The following ADGRG6 variants were observed in gnomAD, a reference collection of about 807,000 sequenced individuals.
The protein encoded by ADGRG6 is G-protein coupled receptor 126.
In ADGRG6, 84 loss-of-function variants were observed where a neutral mutation model predicts 142.4. The observed-to-expected ratio is 0.59, with a 90% confidence interval of 0.49 to 0.71. ADGRG6 has a LOEUF of 0.71. Among genes scored for constraint, ADGRG6 ranks in the 30% least tolerant of loss-of-function variants. ADGRG6 has a pLI of 0.00. For missense variants in ADGRG6, 1,367 were observed against 1,466.6 expected (o/e 0.93, Z 1.11); for synonymous variants, 521 against 520.5 (o/e 1.00, Z -0.01).
At chr6:142,329,981 C>G (rs2114657376) in intron 2 of ADGRG6, among the ~76,000 whole-genome samples, 1 of 152,080 alleles carries the variant, frequency 6.6e-6, no homozygotes, top group Non-Finnish European at 1.5e-5. Context: ...TTGTGTGCTT[C>G]TTTATTTTAG....
intron 22 of ADGRG6, among the ~76,000 whole-genome samples, chr6:142,429,574 C>T (rs1473538420): frequency 6.6e-6 from 1 of 152,172 alleles, no homozygotes; most frequent in Non-Finnish European, 1.5e-5. Context: ...AGCCCCATAG[C>T]CAGCTGACTG....
intron 2 of ADGRG6, among the ~76,000 whole-genome samples, chr6:142,361,069 G>T (rs1269798615): frequency 1.3e-5 from 2 of 152,160 alleles, no homozygotes; most frequent in Non-Finnish European, 2.9e-5. Flanking sequence ...GGTTGTGTGT[G>T]TCTCTAACTT....
intron 2 of ADGRG6, among the ~76,000 whole-genome samples, chr6:142,349,526 C>A (rs2114765296): frequency 6.6e-6 from 1 of 152,296 alleles, no homozygotes; most frequent in South Asian, 2.1e-4. Flanking sequence ...TTCAGTCCTC[C>A]CGTAGTCTGA....
chr6:142,332,709 T>G (rs549366820), intron 2 of ADGRG6, among the ~76,000 whole-genome samples: 156 of 152,310 alleles, frequency 1.0e-3, no homozygotes, highest in African/African-American at 3.4e-3. Flanking sequence ...TATAGTAGAT[T>G]GTGTTTATCT....
rs1244285739 is a variant in ADGRG6 at position 142,317,799 on chromosome 6, ATT to A, written c.103+8156_103+8157del. ...ATATATATTTATATATAATATATAT[ATT>A]ATATATATTTATATATATTAATTTA... On this transcript the variant is annotated intron_variant, in intron 2 of 24. Transcript: ENST00000367609. 1.1e-4 allele frequency among the ~76,000 whole-genome samples: 10 copies of A among 91,524 alleles called. No homozygotes were observed. The East Asian group carries it at 2.4e-3, about 22-fold the overall frequency. The allele number at this position is 91,524 out of a possible 152,430, so 60.0% of individuals were successfully genotyped here.
intron 2 of ADGRG6, among the ~76,000 whole-genome samples, chr6:142,347,478 A>G (rs921629805): frequency 2.6e-5 from 4 of 152,184 alleles, no homozygotes; most frequent in Admixed American, 6.5e-5. Flanking sequence ...AGTGTGAATT[A>G]GAAGACTGAG....
chr6:142,354,460 A>C (rs1007333705), intron 2 of ADGRG6, among the ~76,000 whole-genome samples: 2 of 152,180 alleles, frequency 1.3e-5, no homozygotes, highest in African/African-American at 4.8e-5. Flanking sequence ...TCAGTTACAC[A>C]TTATTAAGTC....
rs117321815 is a variant in ADGRG6 at position 142,366,647 on chromosome 6, C to T, written c.104-922C>T. Among the ~76,000 whole-genome samples, 847 of 151,466 alleles carry T rather than the reference C, an allele frequency of 5.6e-3. 5 individuals carry two copies. Among genetic ancestry groups the T allele is most frequent in the Non-Finnish European group, 9.4e-3 (641 of 67,884 alleles). On this transcript the variant is annotated intron_variant, in intron 2 of 24. Coordinates refer to ENST00000367609, the MANE Select transcript of ADGRG6 (RefSeq NM_198569.3). Reference sequence around the variant, plus strand: ...GTGCACACCTGTAATCCTAGCTACTCGGGAGGCTGAGGCACTAGAATTGCT... The same window carrying T: ...GTGCACACCTGTAATCCTAGCTACTTGGGAGGCTGAGGCACTAGAATTGCT...
intron 6 of ADGRG6, among the ~76,000 whole-genome samples, chr6:142,385,851 T>C (rs993746117): frequency 3.3e-5 from 5 of 152,204 alleles, no homozygotes; most frequent in South Asian, 2.1e-4. Flanking sequence ...ATTATCATCA[T>C]TGATATAACA....
chr6:142,386,056 T>TGGGGA (rs1782003077), intron 6 of ADGRG6, among the ~76,000 whole-genome samples: 1 of 152,178 alleles, frequency 6.6e-6, no homozygotes, highest in Non-Finnish European at 1.5e-5. Context: ...TATTGCATTG[T>TGGGGA]GGGGAGAGGA....
intron 2 of ADGRG6, among the ~76,000 whole-genome samples, chr6:142,315,005 T>TGTGTGTGTG (rs1554229843): frequency 6.6e-6 from 1 of 150,644 alleles, no homozygotes; most frequent in Non-Finnish European, 1.5e-5. Flanking sequence ...TGTGTGTGTG[T>TGTGTGTGTG]TATACAGTCT....
chr6:142,416,136 C>A, intron 20 of ADGRG6, 72 bp downstream of exon 20: 1 of 1,143,458 alleles, frequency 8.7e-7, no homozygotes. Flanking sequence ...AGGAAAAAAT[C>A]TTATTTAAAA....
At chr6:142,335,328 G>A (rs1204083386) in intron 2 of ADGRG6, among the ~76,000 whole-genome samples, 1 of 152,150 alleles carries the variant, frequency 6.6e-6, no homozygotes, top group Non-Finnish European at 1.5e-5. Context: ...TAGTGGTGGG[G>A]AAGGAGTTTT....
At chr6:142,361,079 TG>T (rs1363441209) in intron 2 of ADGRG6, among the ~76,000 whole-genome samples, 1 of 152,198 alleles carries the variant, frequency 6.6e-6, no homozygotes, top group Non-Finnish European at 1.5e-5. Flanking sequence ...GTCTCTAACT[TG>T]AAATTCTTAG....
intron 2 of ADGRG6, among the ~76,000 whole-genome samples, chr6:142,365,413 T>A (rs565406874): frequency 1.3e-5 from 2 of 152,342 alleles, no homozygotes; most frequent in South Asian, 4.1e-4. Flanking sequence ...ATCTCCTATG[T>A]GCCAGAGGTA....
intron 18 of ADGRG6, among the ~76,000 whole-genome samples, chr6:142,412,958 ATT>A (rs1291862893): frequency 3.9e-5 from 6 of 151,914 alleles, no homozygotes; most frequent in African/African-American, 1.5e-4. Context: ...TCCTTCATAT[ATT>A]GTCTAAATTT....
chr6:142,357,212 A>G (rs1225400690), intron 2 of ADGRG6, among the ~76,000 whole-genome samples: 1 of 152,188 alleles, frequency 6.6e-6, no homozygotes, highest in African/African-American at 2.4e-5. Context: ...AGTTTGCTGA[A>G]AAAATTAAGA....
chr6:142,402,625 G>A lies in ADGRG6; in HGVS notation c.1750G>A (p.Ala584Thr), dbSNP rs369236177. 8 of 1,557,528 alleles carry A rather than the reference G, an allele frequency of 5.1e-6. No homozygotes were observed. The South Asian group carries it at 9.2e-5, about 18-fold the overall frequency. ...TTCTTCTGCCTTTGTTTTAGAAGAAGCAAATGAAGTTGCTAACCAGATTTT... is the reference window on the plus strand; with the variant it reads ...TTCTTCTGCCTTTGTTTTAGAAGAAACAAATGAAGTTGCTAACCAGATTTT... ...PVDISNCLKE[A>T]NEVANQILNL... Residue 584 changes from alanine (A) to threonine (T), a missense_variant, in exon 13 of 25, where the codon GCA (alanine) becomes ACA (threonine). Physicochemically the swap from Ala to Thr is moderately conservative, Grantham distance 58. Coordinates refer to ENST00000367609, the MANE Select transcript of ADGRG6 (RefSeq NM_198569.3).
chr6:142,318,212 ATATATTATATATATT>A (rs1778296398), intron 2 of ADGRG6, among the ~76,000 whole-genome samples: 2 of 34,966 alleles, frequency 5.7e-5, no homozygotes, highest in East Asian at 1.8e-3. Flanking sequence ...ATATATATTT[ATATATTATATATATT>A]TATATTATAT....
Sources: gnomAD v4.1 joint callset for allele counts (sites outside exome capture counted in the v4.1 genomes callset) on GRCh38, gnomAD v4.1.1 for gene constraint, MANE v1.5 for transcripts, NCBI Gene and HGNC (gene_info 2026-07-23, HGNC 2026-07-21) for gene names.